AHCY: variants seen among roughly 807,000 people sequenced by gnomAD.
AHCY encodes the protein S-adenosyl-L-homocysteine hydrolase.
AHCY carries 24 observed loss-of-function variants against 45.4 expected under a neutral mutation model. That is an observed-to-expected ratio of 0.53 (90% CI 0.38 to 0.74). AHCY has a LOEUF of 0.74. Among genes scored for constraint, AHCY ranks in the 30% least tolerant of loss-of-function variants. AHCY has a pLI of 0.00. For synonymous variants in AHCY, 245 were observed against 235.1 expected, an observed-to-expected ratio of 1.04 and a Z score of -0.39; for missense variants, 449 against 594.1, an observed-to-expected ratio of 0.76 and a Z score of 2.54.
At chr20:34,273,833 TGTTTAATTG>T in the AHCY span, among the ~76,000 whole-genome samples, 4 of 152,220 alleles carry the variant, frequency 2.6e-5, no homozygotes, top group East Asian at 7.7e-4. Context: ...GAATGACTTT[TGTTTAATTG>T]GTAAAATCCT....
At chr20:34,258,688 T>TATATATATATATATATATATATAC in the AHCY span, among the ~76,000 whole-genome samples, 20 of 66,554 alleles carry the variant, frequency 3.0e-4, 2 homozygotes, top group Non-Finnish European at 4.4e-4. Context: ...TATATATATA[T>TATATATATATATATATATATATAC]ATACATACTA....
In AHCY at chr20:34,290,976, C is replaced by A; in HGVS notation, c.559-38G>T. ...GGGGTAAGGAGACAATAGGGGCAGG[C>A]AAGGCCCTGGGGCCAGGACAACTTG... On this transcript the variant is annotated intron_variant, in intron 5 of 9. Transcript: ENST00000217426. The surrounding 1 kb of genome is among the most constrained non-coding windows in gnomAD (Gnocchi z 4.5). The A allele has an allele frequency of 6.2e-7, 1 of 1,605,882 alleles. No individual in the cohort carries two copies. The highest frequency in any genetic ancestry group is 8.5e-7 in the Non-Finnish European group (1 of 1,173,180).
At position 34,303,306 on chromosome 20, in the gene AHCY, G is replaced by C. The variant is rs1488189759; in HGVS notation, c.-36C>G. ...CTCGTGATGGAAACGGGCGAAGGGG[G>C]CTGGGCCTCAGTCTGGGAACAGGAA... On this transcript the variant is annotated 5_prime_UTR_variant, in exon 1 of 10. Transcript: ENST00000217426. 6.4e-7 allele frequency: 1 copy of C among 1,551,736 alleles called. No homozygotes were observed. The highest frequency in any genetic ancestry group is 8.7e-7 in the Non-Finnish European group (1 of 1,146,972).
chr20:34,284,473 A>T (rs980200003), intron 9 of AHCY, among the ~76,000 whole-genome samples: 3 of 152,128 alleles, frequency 2.0e-5, no homozygotes, highest in Non-Finnish European at 4.4e-5. Flanking sequence ...GGGATGTATC[A>T]TCTTATTACA....
At chr20:34,251,450 T>A in the AHCY span, among the ~76,000 whole-genome samples, 1 of 151,958 alleles carries the variant, frequency 6.6e-6, no homozygotes, top group Non-Finnish European at 1.5e-5. Context: ...TTTTTTTGTA[T>A]TTTTTAATAG....
At chr20:34,285,719 C>G in intron 8 of AHCY, 85 bp from the exon 9 acceptor site, 1 of 1,476,190 alleles carries the variant, frequency 6.8e-7, no homozygotes, top group Admixed American at 1.8e-5. Context: ...TCTCTGCCTC[C>G]AACAGTGCCC....
At chr20:34,263,042 G>A in the AHCY span, 3 of 945,988 alleles carry the variant, frequency 3.2e-6, no homozygotes, top group South Asian at 1.8e-5. Flanking sequence ...AAGACTTCCT[G>A]GCTTGAGCTC....
chr20:34,277,754 C>CAAAA (rs59920283), downstream of AHCY, among the ~76,000 whole-genome samples: 4 of 39,732 alleles, frequency 1.0e-4, no homozygotes, highest in African/African-American at 3.0e-4. Flanking sequence ...GACTCCATCT[C>CAAAA]AAAAAAAAAA....
upstream of AHCY, among the ~76,000 whole-genome samples, chr20:34,308,134 C>CT (rs1429102149): frequency 1.3e-5 from 2 of 152,162 alleles, no homozygotes; most frequent in Non-Finnish European, 2.9e-5. Flanking sequence ...TGATCTTGTT[C>CT]TTTTTTATGC....
At chr20:34,269,284 G>T in the AHCY span, 2 of 1,283,318 alleles carry the variant, frequency 1.6e-6, no homozygotes, top group Non-Finnish European at 2.1e-6. Context: ...GGTTCCAGGA[G>T]ATGGGACTTC....
the AHCY span, chr20:34,268,896 C>A: frequency 6.8e-7 from 1 of 1,470,586 alleles, no homozygotes; most frequent in South Asian, 1.2e-5. Flanking sequence ...AACCTCTGGT[C>A]CGGGATCTCC....
At chr20:34,275,551 T>C (rs2035903793), downstream of AHCY, among the ~76,000 whole-genome samples, 2 of 152,204 alleles carry the variant, frequency 1.3e-5, no homozygotes, top group African/African-American at 2.4e-5. Context: ...GGAAAGAAGG[T>C]AACTTTCTGG....
At chr20:34,247,349 G>T in the AHCY span, among the ~76,000 whole-genome samples, 1,747 of 146,616 alleles carry the variant, frequency 0.012, 27 homozygotes, top group African/African-American at 0.042. Context: ...TGCCCAGGCT[G>T]GAGTGCAATG....
intron 8 of AHCY, among the ~76,000 whole-genome samples, chr20:34,289,401 C>G (rs952485547): frequency 6.6e-6 from 1 of 150,556 alleles, no homozygotes; most frequent in African/African-American, 2.5e-5. Context: ...TCTCAAACTC[C>G]TGACCTCGTG....
chr20:34,292,138 C>T (rs2036417115), intron 4 of AHCY, among the ~76,000 whole-genome samples: 1 of 152,266 alleles, frequency 6.6e-6, no homozygotes, highest in African/African-American at 2.4e-5. Context: ...AACCATGGCC[C>T]TGTCTGTGCC....
the AHCY span, among the ~76,000 whole-genome samples, chr20:34,255,422 A>C: frequency 1.3e-5 from 2 of 151,884 alleles, no homozygotes; most frequent in Non-Finnish European, 2.9e-5. Context: ...CACCCTCCCA[A>C]GAGGCTGGGA....
the AHCY span, among the ~76,000 whole-genome samples, chr20:34,251,341 GCTCACTGCAACCTCCA>G: frequency 6.6e-6 from 1 of 151,800 alleles, no homozygotes; most frequent in South Asian, 2.1e-4. Context: ...CGTGATGTCG[GCTCACTGCAACCTCCA>G]CCTCCCCGGT....
chr20:34,310,588 T>C (rs1263335939), intron 1 of AHCY, among the ~76,000 whole-genome samples: 2 of 152,234 alleles, frequency 1.3e-5, no homozygotes, highest in African/African-American at 4.8e-5. Context: ...AAGATGTTTG[T>C]ACACATGAGC....
chr20:34,257,557 T>C, the AHCY span, among the ~76,000 whole-genome samples: 1 of 152,194 alleles, frequency 6.6e-6, no homozygotes, highest in African/African-American at 2.4e-5. Context: ...TTTAATTTTA[T>C]GTAACTAAAA....
Sources: allele counts gnomAD v4.1 joint callset (sites outside exome capture counted in the v4.1 genomes callset), GRCh38; gene constraint gnomAD v4.1.1; non-coding constraint Gnocchi (gnomAD v3.1); transcripts MANE v1.5; gene names NCBI Gene and HGNC (gene_info 2026-07-23, HGNC 2026-07-21).